Variants in MACROH2A2 observed in about 807,000 individuals in gnomAD.
The protein encoded by MACROH2A2 is macroH2A.2 histone.
Under a neutral mutation model 37.6 loss-of-function variants are expected in MACROH2A2, and 6 were observed. The observed-to-expected ratio is 0.16, with a 90% CI of 0.09 to 0.32. The LOEUF (loss-of-function observed/expected upper bound fraction) is 0.32. MACROH2A2 is among the 10% of genes least tolerant of loss of function. MACROH2A2 has a pLI of 1.00. For missense variants in MACROH2A2, 290 were observed against 485.9 expected (o/e 0.60, Z 3.79); for synonymous variants, 192 against 202.7 (o/e 0.95, Z 0.45).
intron 1 of MACROH2A2, among the ~76,000 whole-genome samples, chr10:70,059,829 T>G (rs925286535): frequency 1.3e-5 from 2 of 152,154 alleles, no homozygotes; most frequent in Non-Finnish European, 2.9e-5. Flanking sequence ...TTGGCAGGTT[T>G]CACCCACAGA....
At chr10:70,105,201 T>C (rs76538879) in intron 7 of MACROH2A2, among the ~76,000 whole-genome samples, 7,063 of 152,296 alleles carry the variant, frequency 0.046, 194 homozygotes, top group Admixed American at 0.051. Context: ...ACAAAAGTGC[T>C]TCAGTGAAGA....
intron 2 of MACROH2A2, among the ~76,000 whole-genome samples, chr10:70,079,564 C>T (rs1293026775): frequency 1.7e-5 from 2 of 119,790 alleles, no homozygotes; most frequent in South Asian, 5.6e-4. Context: ...CGCGCGCGCG[C>T]GCACACACAC....
intron 2 of MACROH2A2, among the ~76,000 whole-genome samples, chr10:70,078,353 C>A (rs2072153241): frequency 6.6e-6 from 1 of 152,192 alleles, no homozygotes; most frequent in Non-Finnish European, 1.5e-5. Flanking sequence ...CCGGCCAGTC[C>A]CAGTGTCCAG....
chr10:70,054,614 CGT>C (rs1204637742), intron 1 of MACROH2A2, among the ~76,000 whole-genome samples: 1 of 152,212 alleles, frequency 6.6e-6, no homozygotes, highest in African/African-American at 2.4e-5. Context: ...AACGTGTCTT[CGT>C]GTGTGTTGTT....
At chr10:70,084,837 A>G (rs1174892613) in intron 2 of MACROH2A2, among the ~76,000 whole-genome samples, 1 of 152,112 alleles carries the variant, frequency 6.6e-6, no homozygotes, top group Non-Finnish European at 1.5e-5. Context: ...CCTGAGCTCA[A>G]GTGCTCTGCC....
At chr10:70,068,051 G>A (rs369305255) in intron 1 of MACROH2A2, among the ~76,000 whole-genome samples, 1 of 151,900 alleles carries the variant, frequency 6.6e-6, no homozygotes. Context: ...CTCTCAATGA[G>A]ACCAATGAGT....
At position 70,075,908 on chromosome 10, in the gene MACROH2A2, G is replaced by C; in HGVS notation, c.172+78G>C. The C allele has an allele frequency of 1.6e-6, 2 of 1,266,322 alleles. No individual in the cohort carries two copies. The highest frequency in any genetic ancestry group is 2.2e-6 in the Non-Finnish European group (2 of 899,130). The allele number at this position is 1,266,322 out of a possible 1,614,324, so 78.4% of individuals were successfully genotyped here. On this transcript the variant is annotated intron_variant, in intron 2 of 8. Transcript: ENST00000373255. The surrounding 1 kb of genome is among the most constrained non-coding windows in gnomAD (Gnocchi z 5.0). ...TGGGTCCCCCTCGCAGGCTGGGGAG[G>C]GATGCTCCAAATTGCCTTTTGGCTG...
chr10:70,059,664 C>A (rs2072039843), intron 1 of MACROH2A2, among the ~76,000 whole-genome samples: 1 of 152,184 alleles, frequency 6.6e-6, no homozygotes, highest in Admixed American at 6.5e-5. Context: ...AGCCACCGCG[C>A]CTGGCCTCCT....
At chr10:70,070,432 A>C (rs2072102394) in intron 1 of MACROH2A2, among the ~76,000 whole-genome samples, 1 of 152,138 alleles carries the variant, frequency 6.6e-6, no homozygotes, top group South Asian at 2.1e-4. Context: ...ATGTTTCTCT[A>C]CTTGTTCCTA....
chr10:70,074,163 A>C (rs935333743), intron 1 of MACROH2A2, among the ~76,000 whole-genome samples: 6 of 152,070 alleles, frequency 3.9e-5, no homozygotes, highest in Non-Finnish European at 8.8e-5. Flanking sequence ...ATCTACTACA[A>C]TTTTCTAGAT....
At position 70,075,207 on chromosome 10, in the gene MACROH2A2, A is replaced by C. The variant is rs1463151253; in HGVS notation, c.-59-393A>C. Among the ~76,000 whole-genome samples, 1 of 152,150 alleles carries C rather than the reference A, an allele frequency of 6.6e-6. No individual in the cohort carries two copies. The highest frequency in any genetic ancestry group is 1.9e-4 in the East Asian group (1 of 5,194). On this transcript the variant is annotated intron_variant, in intron 1 of 8. Transcript: ENST00000373255. This position sits in a 1 kb window ranked among gnomAD's most constrained non-coding sequence, Gnocchi z 5.0. ...CAGATAATCCAAGATAAACCTCCCC[A>C]TCTCAAGACCCTTAGCTTAATCCCA...
intron 7 of MACROH2A2, among the ~76,000 whole-genome samples, 174 bp downstream of exon 7, chr10:70,100,471 A>G (rs934786298): frequency 3.9e-5 from 6 of 152,242 alleles, no homozygotes; most frequent in African/African-American, 1.4e-4. Flanking sequence ...ATCCTTTCAG[A>G]TGTCCTGGGG....
At chr10:70,088,679 GC>G (rs1459563676) in intron 2 of MACROH2A2, among the ~76,000 whole-genome samples, 1 of 152,188 alleles carries the variant, frequency 6.6e-6, no homozygotes, top group Non-Finnish European at 1.5e-5. Flanking sequence ...GCTTTCCTAC[GC>G]AGGTCTCCTG....
intron 1 of MACROH2A2, among the ~76,000 whole-genome samples, chr10:70,067,021 T>C (rs2072083290): frequency 6.6e-6 from 1 of 152,196 alleles, no homozygotes; most frequent in Non-Finnish European, 1.5e-5. Flanking sequence ...AAGGCCATGA[T>C]GTGCAAGCTT....
intron 1 of MACROH2A2, among the ~76,000 whole-genome samples, chr10:70,055,986 A>G (rs2072013762): frequency 6.6e-6 from 1 of 152,236 alleles, no homozygotes; most frequent in Admixed American, 6.5e-5. Context: ...AGACAGAAAA[A>G]GATCACCAAG....
chr10:70,090,943 C>T (rs1016665248), intron 3 of MACROH2A2, among the ~76,000 whole-genome samples: 12 of 152,222 alleles, frequency 7.9e-5, no homozygotes, highest in Admixed American at 6.5e-5. Flanking sequence ...GGTTTCGAAT[C>T]TGCAGAATAT....
At chr10:70,060,440 A>G (rs2072044098) in intron 1 of MACROH2A2, among the ~76,000 whole-genome samples, 1 of 152,112 alleles carries the variant, frequency 6.6e-6, no homozygotes, top group African/African-American at 2.4e-5. Context: ...AGGCAGAGAA[A>G]GGGATGGAGG....
At chr10:70,074,548 C>A (rs750074428) in intron 1 of MACROH2A2, among the ~76,000 whole-genome samples, 1 of 152,176 alleles carries the variant, frequency 6.6e-6, no homozygotes, top group Non-Finnish European at 1.5e-5. Context: ...TGTGTCCCCA[C>A]CCAAATCTCA....
chr10:70,108,986 G>T, intron 7 of MACROH2A2, 47 bp from the exon 8 acceptor site: 1 of 1,563,388 alleles, frequency 6.4e-7, no homozygotes, highest in Admixed American at 1.7e-5. Flanking sequence ...CTATAACCTA[G>T]GAAACCTTAG....
Sources: allele counts gnomAD v4.1 joint callset (sites outside exome capture counted in the v4.1 genomes callset), GRCh38; gene constraint gnomAD v4.1.1; non-coding constraint Gnocchi (gnomAD v3.1); transcripts MANE v1.5; gene names NCBI Gene and HGNC (gene_info 2026-07-23, HGNC 2026-07-21).